Variants in COL5A1 observed in about 807,000 individuals in gnomAD.
The protein encoded by COL5A1 is collagen alpha-1(V) chain.
Under a neutral mutation model 263.7 loss-of-function variants are expected in COL5A1, and 16 were observed. The ratio of observed to expected loss-of-function variants is 0.06; its 90% CI spans 0.04 to 0.09. The LOEUF (loss-of-function observed/expected upper bound fraction) is 0.09, where lower values mean the gene tolerates loss of function less well. COL5A1 is among the 10% of genes least tolerant of loss of function. The probability of loss-of-function intolerance (pLI) is 1.00; values close to 1 mark genes in which losing one functional copy is unlikely to be tolerated. For synonymous variants in COL5A1, 1,012 were observed against 1,004.5 expected (o/e 1.01, Z -0.14); for missense variants, 2,036 against 2,540.5 (o/e 0.80, Z 4.27).
chr9:134,701,522 C>T (rs1339181665), intron 4 of COL5A1, among the ~76,000 whole-genome samples, 189 bp downstream of exon 4: 2 of 152,206 alleles, frequency 1.3e-5, no homozygotes, highest in South Asian at 2.1e-4. Context: ...AATGGAGGGG[C>T]CAGAGCTGCT....
chr9:134,752,642 T>C lies in COL5A1; in HGVS notation c.1716T>C (p.Pro572=). ...TGGGTCTCACAGGGAGACCTGGCCC[T>C]GTGGTAAGTCATTGGCAAATCTGAG... ...GPMGLTGRPG[P]VGPPGSGGLK... is the part of the protein sequence containing the mutation. The change falls in exon 14 of 66, where the codon CCT becomes CCC. Residue 572 remains proline (P), a synonymous_variant. Transcript: ENST00000371817. 2 of 1,611,882 alleles carry C rather than the reference T, an allele frequency of 1.2e-6. No homozygotes were observed. Among genetic ancestry groups the C allele is most frequent in the Non-Finnish European group, 1.7e-6 (2 of 1,178,240 alleles).
At chr9:134,790,890 G>A (rs942904906) in intron 32 of COL5A1, among the ~76,000 whole-genome samples, 1 of 152,110 alleles carries the variant, frequency 6.6e-6, no homozygotes, top group African/African-American at 2.4e-5. Flanking sequence ...GTCTGGGAGA[G>A]GATATGGCCT....
Position 134,754,197 on chromosome 9 carries a change from C to A in COL5A1, c.1774-76C>A. Reference sequence around the variant, plus strand: ...GCCAGGCATGGGCAGGGTCGATGAGCACAGGGACAAGGCTTTGCTCTTTCT... The same window carrying A: ...GCCAGGCATGGGCAGGGTCGATGAGAACAGGGACAAGGCTTTGCTCTTTCT... On this transcript the variant is annotated intron_variant, in intron 15 of 65. Transcript: ENST00000371817. The surrounding 1 kb of genome is among the most constrained non-coding windows in gnomAD (Gnocchi z 4.3). The A allele has an allele frequency of 6.6e-7, 1 of 1,508,736 alleles. No individual in the cohort carries two copies. The highest frequency in any genetic ancestry group is 1.1e-5 in the South Asian group (1 of 88,772). The allele number at this position is 1,508,736 out of a possible 1,614,324, so 93.5% of individuals were successfully genotyped here.
intron 58 of COL5A1, among the ~76,000 whole-genome samples, chr9:134,820,642 T>C (rs1042910829): frequency 1.3e-5 from 2 of 152,068 alleles, no homozygotes; most frequent in Non-Finnish European, 1.5e-5. Context: ...TTCCACCTTG[T>C]CCCCAGCTGC....
chr9:134,764,417 G>C (rs1340231693), intron 20 of COL5A1, among the ~76,000 whole-genome samples: 1 of 58,110 alleles, frequency 1.7e-5, no homozygotes, highest in African/African-American at 1.4e-4. Flanking sequence ...GGGCATTGTG[G>C]GGGGGGTCAC....
At position 134,652,304 on chromosome 9, in the gene COL5A1, C is replaced by G. The variant is rs150992073; in HGVS notation, c.109+10008C>G. On this transcript the variant is annotated intron_variant, in intron 1 of 65. Transcript: ENST00000371817. This position sits in a 1 kb window ranked among gnomAD's most constrained non-coding sequence, Gnocchi z 4.4. The stretch of plus-strand genomic sequence containing the variant: ...CGTCCTTGGGCCGGTGTGGCGGTAA[C>G]AGTGAGCTGGTGACAGCAGGCAGAC... Among the ~76,000 whole-genome samples the G allele has an allele frequency of 6.6e-6, 1 of 150,590 alleles. No individual in the cohort carries two copies. The highest frequency in any genetic ancestry group is 1.5e-5 in the Non-Finnish European group (1 of 67,870).
At chr9:134,646,182 C>A (rs1305454778) in intron 1 of COL5A1, among the ~76,000 whole-genome samples, 2 of 152,188 alleles carry the variant, frequency 1.3e-5, no homozygotes, top group South Asian at 2.1e-4. Context: ...GAGACCGAGG[C>A]AAATGGGATG....
At chr9:134,733,076 C>T (rs565837784) in intron 9 of COL5A1, among the ~76,000 whole-genome samples, 10 of 152,300 alleles carry the variant, frequency 6.6e-5, no homozygotes, top group Admixed American at 3.3e-4. Flanking sequence ...TCCTGCACCA[C>T]GGCCAGTCAT....
rs1044725625 is a variant in COL5A1, at chr9:134,681,167, C to T, written c.110-9745C>T. Among the ~76,000 whole-genome samples the T allele has an allele frequency of 4.6e-5, 7 of 152,154 alleles. No homozygotes were observed. Among genetic ancestry groups the T allele is most frequent in the Non-Finnish European group, 1.0e-4 (7 of 68,022 alleles). ...GAGGCCGCCTGCCTTGCAGGGAGGG[C>T]TGGGGTGGGGGGGCCTCAGCCCTGG... On this transcript the variant is annotated intron_variant, in intron 1 of 65. Transcript: ENST00000371817. The surrounding 1 kb of genome is among the most constrained non-coding windows in gnomAD (Gnocchi z 4.3).
At chr9:134,788,948 G>A (rs796841563) in intron 31 of COL5A1, among the ~76,000 whole-genome samples, 1 of 148,550 alleles carries the variant, frequency 6.7e-6, no homozygotes, top group African/African-American at 2.5e-5. Flanking sequence ...AGGCGGATGA[G>A]TGGGTGGGTG....
In COL5A1 at chr9:134,802,869, A is replaced by G. The variant is rs370503113; in HGVS notation, c.3007-19A>G. 23 of 1,580,568 alleles carry G rather than the reference A, an allele frequency of 1.5e-5. No individual in the cohort carries two copies. The African/African-American group carries it at 2.7e-4, about 18-fold the overall frequency. ...AAGTCACTCGAAACGTCTGTGGCTG[A>G]CACTGATTTTCCCCACAGGGTCCCA... On this transcript the variant is annotated intron_variant, in intron 38 of 65. Transcript: ENST00000371817.
Position 134,800,197 on chromosome 9 carries a change from G to C in COL5A1, c.2952+1736G>C, listed in dbSNP as rs1008700030. Among the ~76,000 whole-genome samples the C allele has an allele frequency of 3.3e-5, 5 of 152,202 alleles. No individual in the cohort carries two copies. The South Asian group carries it at 1.0e-3, about 31-fold the overall frequency. On this transcript the variant is annotated intron_variant, in intron 37 of 65. Transcript: ENST00000371817. ...GGTCATATTCTGTCCTCAACAGCCA[G>C]GGTGGCCGAGGGCCCTGGGGAGGCC...
rs755023840 is a variant in COL5A1, at chr9:134,765,786, C to T, written c.2088+52C>T. 2 of 1,500,066 alleles carry T rather than the reference C, an allele frequency of 1.3e-6. No homozygotes were observed. The highest frequency in any genetic ancestry group is 1.8e-6 in the Non-Finnish European group (2 of 1,086,264). 92.9% of individuals were successfully genotyped at this position (1,500,066 alleles called of 1,614,324 possible). On this transcript the variant is annotated intron_variant, in intron 21 of 65. Coordinates refer to ENST00000371817, the MANE Select transcript of COL5A1 (RefSeq NM_000093.5). The surrounding 1 kb of genome is among the most constrained non-coding windows in gnomAD (Gnocchi z 5.1). ...CTGCCCCCATCTCGGCCTTTGAGAC[C>T]CCGCCTCCCAGCCGGTGGACGCTTG... is the stretch of plus-strand genomic sequence containing the variant.
At chr9:134,671,427 G>A (rs751868947) in intron 1 of COL5A1, among the ~76,000 whole-genome samples, 4 of 152,198 alleles carry the variant, frequency 2.6e-5, no homozygotes, top group Non-Finnish European at 4.4e-5. Flanking sequence ...CTAGTGTTTT[G>A]AAAACTTGCA....
rs916834105 is a variant in COL5A1 at position 134,696,019 on chromosome 9, C to T, written c.278-3890C>T. On this transcript the variant is annotated intron_variant, in intron 2 of 65. Coordinates refer to ENST00000371817, the MANE Select transcript of COL5A1 (RefSeq NM_000093.5). The surrounding 1 kb of genome is among the most constrained non-coding windows in gnomAD (Gnocchi z 4.3). ...TGGGCCTGCCATGCTCCCCTTAGCC[C>T]GGCCCCTCCTGGGCTGCCAGGGTCC... Among the ~76,000 whole-genome samples the T allele has an allele frequency of 6.6e-5, 10 of 152,146 alleles. No individual in the cohort carries two copies. The highest frequency in any genetic ancestry group is 1.3e-4 in the Admixed American group (2 of 15,280).
At chr9:134,762,038 C>T in intron 19 of COL5A1, 60 bp downstream of exon 19, 1 of 1,566,204 alleles carries the variant, frequency 6.4e-7, no homozygotes, top group Non-Finnish European at 8.8e-7. Context: ...GTGATTTGGG[C>T]AGGAAAACCA....
rs757951119 is a variant in COL5A1 at position 134,758,260 on chromosome 9, C to T, written c.1899C>T (p.Asp633=). 2.5e-5 allele frequency: 41 copies of T among 1,613,886 alleles called. No homozygotes were observed. The highest frequency in any genetic ancestry group is 4.5e-5 in the East Asian group (2 of 44,860). ...TTTTGCAGGGTGACCGGGGTTTCGA[C>T]GGCCTGGCTGGGTTGCCAGGCGAGA... ...QTGPKGDRGF[D]GLAGLPGEKG... The change falls in exon 18 of 66, where the codon GAC becomes GAT. Residue 633 remains aspartate (D), a synonymous_variant. Transcript: ENST00000371817. This position sits in a 1 kb window ranked among gnomAD's most constrained non-coding sequence, Gnocchi z 4.1.
intron 45 of COL5A1, 47 bp downstream of exon 45, chr9:134,811,439 A>T: frequency 6.2e-7 from 1 of 1,613,168 alleles, no homozygotes; most frequent in Non-Finnish European, 8.5e-7. Context: ...ACGCCCCCCC[A>T]GAGCTGCTGG....
At position 134,794,726 on chromosome 9, in the gene COL5A1, A is replaced by G. The variant is rs749469823; in HGVS notation, c.2701-356A>G. ...TGATTTCCCTCCCTGCTGAGGACAGAGAGAGAAAGAGAGATGAGGAGGAGG... is the reference window on the plus strand; with the variant it reads ...TGATTTCCCTCCCTGCTGAGGACAGGGAGAGAAAGAGAGATGAGGAGGAGG... On this transcript the variant is annotated intron_variant, in intron 32 of 65. Coordinates refer to ENST00000371817, the MANE Select transcript of COL5A1 (RefSeq NM_000093.5). The surrounding 1 kb of genome is among the most constrained non-coding windows in gnomAD (Gnocchi z 4.3). 1.3e-5 allele frequency among the ~76,000 whole-genome samples: 2 copies of G among 151,598 alleles called. No individual in the cohort carries two copies. The highest frequency in any genetic ancestry group is 2.9e-5 in the Non-Finnish European group (2 of 68,020).
Sources: gnomAD v4.1 joint callset for allele counts (sites outside exome capture counted in the v4.1 genomes callset) on GRCh38, gnomAD v4.1.1 for gene constraint, Gnocchi (gnomAD v3.1) non-coding constraint, MANE v1.5 for transcripts, NCBI Gene and HGNC (gene_info 2026-07-23, HGNC 2026-07-21) for gene names.